EXOC4: variants seen among roughly 807,000 people sequenced by gnomAD.
EXOC4 encodes exocyst complex component 4, also known as SEC8-like 1.
A neutral mutation model predicts 107.2 loss-of-function variants in EXOC4; 71 were observed. The observed-to-expected ratio is 0.66, with a 90% CI of 0.55 to 0.81. The LOEUF (loss-of-function observed/expected upper bound fraction) is 0.81. EXOC4 is among the 30% of genes least tolerant of loss of function. The pLI, the probability that EXOC4 is intolerant of heterozygous loss-of-function variation, is 0.00. For synonymous variants in EXOC4, 456 were observed against 441.2 expected (o/e 1.03, Z -0.42); for missense variants, 1,108 against 1,189.6 (o/e 0.93, Z 1.01).
chr7:133,785,817 T>G (rs1402044220), intron 10 of EXOC4, among the ~76,000 whole-genome samples: 1 of 151,980 alleles, frequency 6.6e-6, no homozygotes, highest in Non-Finnish European at 1.5e-5. Context: ...GGACTACAGG[T>G]GCCCGCCACC....
intron 10 of EXOC4, among the ~76,000 whole-genome samples, chr7:133,729,661 G>A (rs1795285340): frequency 6.6e-6 from 1 of 151,978 alleles, no homozygotes; most frequent in Admixed American, 6.6e-5. Flanking sequence ...TTTCAAAGAT[G>A]GTAAGACTTC....
intron 7 of EXOC4, among the ~76,000 whole-genome samples, chr7:133,409,369 T>C (rs1005689699): frequency 6.6e-6 from 1 of 152,354 alleles, no homozygotes. Flanking sequence ...CTGTGCTACA[T>C]GCTATAAGCA....
downstream of EXOC4, among the ~76,000 whole-genome samples, chr7:134,070,818 G>A (rs1313718313): frequency 3.3e-5 from 5 of 151,766 alleles, no homozygotes; most frequent in African/African-American, 1.2e-4. Context: ...TTTCGGGTGA[G>A]TGCAGTTCCC....
intron 13 of EXOC4, among the ~76,000 whole-genome samples, chr7:133,927,713 G>A (rs1800083466): frequency 6.6e-6 from 1 of 152,162 alleles, no homozygotes; most frequent in Non-Finnish European, 1.5e-5. Context: ...AAGTGCAAGA[G>A]TAAAAAATGC....
intron 10 of EXOC4, among the ~76,000 whole-genome samples, chr7:133,654,026 C>T (rs983417340): frequency 6.6e-6 from 1 of 152,116 alleles, no homozygotes; most frequent in Non-Finnish European, 1.5e-5. Context: ...AGAAATTTTT[C>T]CCCCTTTGGG....
At chr7:133,364,235 A>T (rs1031256432) in intron 6 of EXOC4, among the ~76,000 whole-genome samples, 1 of 151,644 alleles carries the variant, frequency 6.6e-6, no homozygotes, top group Non-Finnish European at 1.5e-5. Flanking sequence ...GGCTCAAGAG[A>T]TCCTCCTGCT....
intron 14 of EXOC4, among the ~76,000 whole-genome samples, chr7:133,968,896 G>T (rs1467724272): frequency 1.3e-5 from 2 of 152,172 alleles, no homozygotes; most frequent in African/African-American, 4.8e-5. Flanking sequence ...TCTCTTGCTA[G>T]GCTGGGGAAG....
chr7:133,515,813 A>G (rs1265637249), intron 9 of EXOC4, among the ~76,000 whole-genome samples: 2 of 152,140 alleles, frequency 1.3e-5, no homozygotes, highest in Non-Finnish European at 2.9e-5. Flanking sequence ...AGAAGTAAAA[A>G]CAGATGCTTC....
intron 13 of EXOC4, among the ~76,000 whole-genome samples, chr7:133,917,968 A>G (rs1310637026): frequency 4.6e-5 from 7 of 151,948 alleles, no homozygotes; most frequent in Admixed American, 4.6e-4. Context: ...GAACATTGCT[A>G]AATTGGATTA....
intron 11 of EXOC4, 99 bp downstream of exon 11, chr7:133,817,643 A>G (rs938552558): frequency 1.1e-5 from 9 of 844,476 alleles, no homozygotes; most frequent in African/African-American, 1.0e-4. Flanking sequence ...CTGTTTCCAT[A>G]TTCATCAGGG....
At chr7:133,858,690 A>G (rs546793925) in intron 11 of EXOC4, among the ~76,000 whole-genome samples, 1 of 152,330 alleles carries the variant, frequency 6.6e-6, no homozygotes, top group Admixed American at 6.5e-5. Flanking sequence ...GTGCTCATCA[A>G]ATGTTGATTC....
chr7:133,820,913 A>G (rs986534099), intron 11 of EXOC4, among the ~76,000 whole-genome samples: 1 of 152,152 alleles, frequency 6.6e-6, no homozygotes, highest in Admixed American at 6.5e-5. Context: ...GGATTATTAG[A>G]GGCATTTCCA....
chr7:133,614,894 A>T (rs910755087), intron 9 of EXOC4, among the ~76,000 whole-genome samples: 3 of 151,982 alleles, frequency 2.0e-5, no homozygotes, highest in Non-Finnish European at 2.9e-5. Context: ...CAGAGGAATT[A>T]ACAAAAGACA....
At chr7:133,917,965 G>A in intron 13 of EXOC4, among the ~76,000 whole-genome samples, 1 of 151,662 alleles carries the variant, frequency 6.6e-6, no homozygotes, top group East Asian at 1.9e-4. Flanking sequence ...TTGGAACATT[G>A]CTAAATTGGA....
chr7:133,537,891 T>G (rs1477463979), intron 9 of EXOC4, among the ~76,000 whole-genome samples: 1 of 152,242 alleles, frequency 6.6e-6, no homozygotes, highest in African/African-American at 2.4e-5. Flanking sequence ...GTAAAGAGTT[T>G]TACATGTTGA....
chr7:133,728,401 A>G (rs141071733), intron 10 of EXOC4, among the ~76,000 whole-genome samples: 42 of 152,372 alleles, frequency 2.8e-4, no homozygotes, highest in Non-Finnish European at 5.4e-4. Flanking sequence ...TGTTTACTGT[A>G]GACAGTTTTT....
intron 7 of EXOC4, among the ~76,000 whole-genome samples, chr7:133,473,047 A>G (rs550455423): frequency 3.5e-4 from 53 of 152,324 alleles, no homozygotes; most frequent in Non-Finnish European, 5.9e-4. Context: ...ACCATCTGAA[A>G]TATGAGTGAA....
chr7:133,701,224 C>T (rs566659905), intron 10 of EXOC4, among the ~76,000 whole-genome samples: 13 of 152,084 alleles, frequency 8.5e-5, no homozygotes, highest in African/African-American at 2.7e-4. Context: ...CCAAATAGCT[C>T]TTACATGCCC....
intron 17 of EXOC4, among the ~76,000 whole-genome samples, chr7:134,026,468 G>T (rs1795139325): frequency 6.8e-6 from 1 of 146,008 alleles, no homozygotes; most frequent in African/African-American, 2.6e-5. Context: ...GTGTAATCTG[G>T]ATCTAGAAGA....
Sources: gnomAD v4.1 joint callset for allele counts (sites outside exome capture counted in the v4.1 genomes callset) on GRCh38, gnomAD v4.1.1 for gene constraint, MANE v1.5 for transcripts, NCBI Gene and HGNC (gene_info 2026-07-23, HGNC 2026-07-21) for gene names.